Variants in SRPK1 observed in about 807,000 individuals in gnomAD.
SRPK1 encodes SFRS protein kinase 1.
Under a neutral mutation model 89.5 loss-of-function variants are expected in SRPK1, and 52 were observed. That is an observed-to-expected ratio of 0.58 (90% CI 0.46 to 0.73). The LOEUF is 0.73. Ranked by LOEUF, SRPK1 falls within the 30% of genes least tolerant of loss-of-function variation. SRPK1 has a pLI of 0.00. For synonymous variants in SRPK1, 255 were observed against 270.2 expected (o/e 0.94, Z 0.55); for missense variants, 603 against 780.6 (o/e 0.77, Z 2.71).
intron 6 of SRPK1, among the ~76,000 whole-genome samples, chr6:35,882,033 GGAA>G (rs1257431686): frequency 9.7e-5 from 14 of 144,668 alleles, no homozygotes; most frequent in Non-Finnish European, 1.8e-4. Context: ...AGACCAAAGA[GGAA>G]GAAGAACAAG....
At chr6:35,838,979 G>A in intron 14 of SRPK1, 1 of 480,520 alleles carries the variant, frequency 2.1e-6, no homozygotes, top group Non-Finnish European at 3.3e-6. Flanking sequence ...GATAGTGTCT[G>A]GCAAGTCCCA....
intron 2 of SRPK1, among the ~76,000 whole-genome samples, chr6:35,906,832 A>G (rs1171571134): frequency 6.6e-6 from 1 of 151,626 alleles, no homozygotes; most frequent in African/African-American, 2.4e-5. Context: ...AAACTGTAGG[A>G]AAAAAAAACC....
chr6:35,847,927 AGGT>A (rs1769460112), intron 13 of SRPK1, among the ~76,000 whole-genome samples: 1 of 151,744 alleles, frequency 6.6e-6, no homozygotes, highest in African/African-American at 2.4e-5. Context: ...TCCCAGCCTC[AGGT>A]GATTCTCCCA....
At chr6:35,846,670 A>G (rs1050362805) in intron 13 of SRPK1, among the ~76,000 whole-genome samples, 4 of 152,170 alleles carry the variant, frequency 2.6e-5, no homozygotes, top group African/African-American at 9.7e-5. Flanking sequence ...ATCATATGGC[A>G]ACAGATTGGA....
intron 2 of SRPK1, among the ~76,000 whole-genome samples, chr6:35,905,708 G>T (rs541357039): frequency 6.6e-6 from 1 of 152,286 alleles, no homozygotes; most frequent in East Asian, 1.9e-4. Flanking sequence ...TGCTGGAATT[G>T]TAATTCTAAG....
rs151052982 is a variant in SRPK1 at position 35,843,201 on chromosome 6, C to G, written c.1621-597G>C. Among the ~76,000 whole-genome samples the G allele has an allele frequency of 1.8e-4, 27 of 151,974 alleles. No homozygotes were observed. In the East Asian group the frequency reaches 4.5e-3, roughly 25 times the overall value. ...GCCAGGATGTTCTCAATCTCCTGAC[C>G]TCGTGATCTGCCAACCTTGGCCTCC... is the stretch of plus-strand genomic sequence containing the variant. On this transcript the variant is annotated intron_variant, in intron 13 of 15. Transcript: ENST00000373825.
At chr6:35,876,510 C>T (rs183204253) in intron 6 of SRPK1, among the ~76,000 whole-genome samples, 11 of 152,166 alleles carry the variant, frequency 7.2e-5, no homozygotes, top group Middle Eastern at 6.8e-3. Flanking sequence ...AGTGTGGTGG[C>T]GTGTGCCTGT....
At chr6:35,886,832 T>G (rs926200178) in intron 5 of SRPK1, 21 bp from the exon 6 acceptor site, 2 of 1,407,256 alleles carry the variant, frequency 1.4e-6, no homozygotes, top group Non-Finnish European at 2.0e-6. Context: ...GAAGAGACAG[T>G]GTTTAGCACA....
At chr6:35,860,027 A>ATT (rs372646851) in intron 12 of SRPK1, among the ~76,000 whole-genome samples, 13 of 147,810 alleles carry the variant, frequency 8.8e-5, no homozygotes, top group African/African-American at 2.7e-4. Flanking sequence ...CCTGGCTAAT[A>ATT]TTTTTTTTTT....
intron 2 of SRPK1, among the ~76,000 whole-genome samples, chr6:35,909,452 G>A (rs546454326): frequency 6.6e-6 from 1 of 152,326 alleles, no homozygotes; most frequent in South Asian, 2.1e-4. Flanking sequence ...AGGCTTATAG[G>A]TGGAAGAGAC....
intron 2 of SRPK1, chr6:35,904,906 AGGTGGTGAGAGGATCCCTTGAGGCCAG>A: frequency 2.4e-6 from 1 of 408,200 alleles, no homozygotes; most frequent in South Asian, 1.7e-5. Flanking sequence ...TGGGAGGCCA[AGGTGGTGAGAGGATCCCTTGAGGCCAG>A]GAGTTCAAGA....
In SRPK1 at chr6:35,921,053, C is replaced by G; in HGVS notation, c.4G>C (p.Glu2Gln). 1 of 1,541,366 alleles carries G rather than the reference C, an allele frequency of 6.5e-7. No individual in the cohort carries two copies. The highest frequency in any genetic ancestry group is 8.7e-7 in the Non-Finnish European group (1 of 1,146,026). The change falls in exon 1 of 16, where the codon GAG becomes CAG. Residue 2 changes from glutamate to glutamine, a missense_variant. Coordinates refer to ENST00000373825, the MANE Select transcript of SRPK1 (RefSeq NM_003137.5). ...CCGCTCCACCGCTCACCTTTCCGCT[C>G]CATGGTGAGACCGGTAATCGCCAGG... M[E>Q]RKVLALQARK...
chr6:35,878,105 T>C (rs1238538638), intron 6 of SRPK1, among the ~76,000 whole-genome samples: 1 of 151,678 alleles, frequency 6.6e-6, no homozygotes, highest in East Asian at 1.9e-4. Context: ...AGGAAGGAGG[T>C]GAAAGTATGT....
At chr6:35,841,594 G>A (rs1769308651) in intron 14 of SRPK1, among the ~76,000 whole-genome samples, 1 of 152,120 alleles carries the variant, frequency 6.6e-6, no homozygotes, top group South Asian at 2.1e-4. Flanking sequence ...AGCACTTTGG[G>A]AGGCTGAAGT....
At chr6:35,878,599 C>T (rs1178497282) in intron 6 of SRPK1, among the ~76,000 whole-genome samples, 1 of 152,176 alleles carries the variant, frequency 6.6e-6, no homozygotes, top group Non-Finnish European at 1.5e-5. Flanking sequence ...GCCCTGCACA[C>T]AGTTTGTTGG....
chr6:35,915,406 C>CAAAAAAAAAAAAA (rs560685673), intron 2 of SRPK1, among the ~76,000 whole-genome samples: 1 of 73,904 alleles, frequency 1.4e-5, no homozygotes, highest in African/African-American at 5.8e-5. Context: ...GACACCGTCT[C>CAAAAAAAAAAAAA]AAAAAAAAAA....
At chr6:35,881,651 T>TA (rs1463723398) in intron 6 of SRPK1, among the ~76,000 whole-genome samples, 9 of 151,694 alleles carry the variant, frequency 5.9e-5, no homozygotes, top group Admixed American at 3.3e-4. Context: ...TTATAAGAGA[T>TA]AAAGAAGGAC....
At chr6:35,866,326 C>G (rs1235451511) in intron 12 of SRPK1, among the ~76,000 whole-genome samples, 1 of 152,138 alleles carries the variant, frequency 6.6e-6, no homozygotes, top group Non-Finnish European at 1.5e-5. Flanking sequence ...TGGCTCATGC[C>G]TCTAATCCCA....
intron 12 of SRPK1, among the ~76,000 whole-genome samples, chr6:35,865,011 G>A (rs1164858167): frequency 2.0e-5 from 3 of 152,202 alleles, no homozygotes; most frequent in African/African-American, 7.2e-5. Flanking sequence ...GACACAGAGA[G>A]TAGAAGGATG....
Sources: allele counts gnomAD v4.1 joint callset (sites outside exome capture counted in the v4.1 genomes callset), GRCh38; gene constraint gnomAD v4.1.1; transcripts MANE v1.5; gene names NCBI Gene and HGNC (gene_info 2026-07-23, HGNC 2026-07-21).